The following CDK19 variants were observed in gnomAD, a reference collection of about 807,000 sequenced individuals.
CDK19 encodes the protein cyclin dependent kinase 19, also known as cyclin-dependent kinase 19.
A neutral mutation model predicts 68.3 loss-of-function variants in CDK19; 20 were observed. The ratio of observed to expected loss-of-function variants is 0.29; its 90% CI spans 0.21 to 0.43. The LOEUF is 0.43. Among genes scored for constraint, CDK19 ranks in the 20% least tolerant of loss-of-function variants. CDK19 has a pLI of 1.00. For missense variants in CDK19, 339 were observed against 623.5 expected, an observed-to-expected ratio of 0.54 and a Z score of 4.86; for synonymous variants, 221 against 222.8, an observed-to-expected ratio of 0.99 and a Z score of 0.07.
At chr6:110,716,502 C>T (rs944824738) in intron 2 of CDK19, among the ~76,000 whole-genome samples, 14 of 152,052 alleles carry the variant, frequency 9.2e-5, no homozygotes, top group African/African-American at 3.4e-4. Context: ...GCTGAGGACT[C>T]GGAAACCACA....
chr6:110,627,869 T>C (rs1192444302), intron 6 of CDK19, among the ~76,000 whole-genome samples: 3 of 151,954 alleles, frequency 2.0e-5, no homozygotes, highest in Non-Finnish European at 4.4e-5. Flanking sequence ...AATGATAGAG[T>C]AGAATTTATA....
intron 4 of CDK19, among the ~76,000 whole-genome samples, chr6:110,655,518 T>C (rs143764424): frequency 3.3e-5 from 5 of 152,286 alleles, no homozygotes; most frequent in African/African-American, 1.2e-4. Context: ...CCAAACTAAA[T>C]TTTTACTTTT....
At chr6:110,720,421 A>G (rs1775774202) in intron 2 of CDK19, among the ~76,000 whole-genome samples, 1 of 152,158 alleles carries the variant, frequency 6.6e-6, no homozygotes, top group Admixed American at 6.5e-5. Flanking sequence ...CAGGTACTCA[A>G]TCAGTTTTGC....
chr6:110,716,653 T>C (rs767015767), intron 2 of CDK19, among the ~76,000 whole-genome samples: 3 of 152,102 alleles, frequency 2.0e-5, no homozygotes, highest in Non-Finnish European at 2.9e-5. Flanking sequence ...ATTCCTCAAG[T>C]TAAACATGAA....
rs565351455 is a variant in CDK19 at position 110,797,294 on chromosome 6, C to T, written c.128+17715G>A. Among the ~76,000 whole-genome samples the T allele has an allele frequency of 2.1e-4, 32 of 149,874 alleles. No homozygotes were observed. In the South Asian group the frequency reaches 4.9e-3, roughly 23 times the overall value. The stretch of plus-strand genomic sequence containing the variant: ...GGCAAAGGTTGCAGTGAACCGAGAT[C>T]GCGCCACTGCACTCCAGCCTAGGCG... On this transcript the variant is annotated intron_variant, in intron 1 of 12. Coordinates refer to ENST00000368911, the MANE Select transcript of CDK19 (RefSeq NM_015076.5).
At chr6:110,637,117 T>A (rs1779830018) in intron 5 of CDK19, among the ~76,000 whole-genome samples, 1 of 152,222 alleles carries the variant, frequency 6.6e-6, no homozygotes. Context: ...TTGTCTTCCT[T>A]ATTTTCAGAG....
intron 2 of CDK19, among the ~76,000 whole-genome samples, chr6:110,709,371 G>A (rs555803834): frequency 2.0e-5 from 3 of 152,196 alleles, no homozygotes; most frequent in East Asian, 3.9e-4. Flanking sequence ...TGGAGGGCTG[G>A]GGGAGGGATG....
intron 9 of CDK19, among the ~76,000 whole-genome samples, 164 bp downstream of exon 9, chr6:110,623,126 A>C (rs563746472): frequency 4.6e-5 from 7 of 152,322 alleles, no homozygotes; most frequent in Admixed American, 2.6e-4. Context: ...AAATCATTTA[A>C]AGTGAAGGCT....
intron 5 of CDK19, among the ~76,000 whole-genome samples, chr6:110,634,179 C>CTTAAAAAAAAAAAAAA (rs1434421851): frequency 6.6e-6 from 1 of 152,014 alleles, no homozygotes; most frequent in African/African-American, 2.4e-5. Context: ...GCAGAACAGG[C>CTTAAAAAAAAAAAAAA]AAAAAATCTT....
chr6:110,653,301 G>A (rs1340252755), intron 4 of CDK19, among the ~76,000 whole-genome samples: 1 of 152,098 alleles, frequency 6.6e-6, no homozygotes, highest in Non-Finnish European at 1.5e-5. Flanking sequence ...GTTTGCAGAT[G>A]TTATGCTTAA....
chr6:110,646,008 G>T, intron 4 of CDK19: 1 of 1,056,102 alleles, frequency 9.5e-7, no homozygotes, highest in South Asian at 1.3e-5. Context: ...GGGCAAGCAG[G>T]GTGTGCGGTC....
intron 2 of CDK19, among the ~76,000 whole-genome samples, chr6:110,683,701 C>CTTTTTTTTT (rs200335188): frequency 7.8e-6 from 1 of 127,394 alleles, no homozygotes; most frequent in Non-Finnish European, 1.7e-5. Flanking sequence ...AGTATTTAAT[C>CTTTTTTTTT]TTTTTTTTTT....
chr6:110,663,345 A>C (rs1471663161), intron 4 of CDK19, among the ~76,000 whole-genome samples: 2 of 152,226 alleles, frequency 1.3e-5, no homozygotes, highest in Non-Finnish European at 2.9e-5. Flanking sequence ...GACCATATTC[A>C]TATTTCATAT....
chr6:110,764,317 A>C (rs1408698477), intron 1 of CDK19, among the ~76,000 whole-genome samples: 1 of 152,218 alleles, frequency 6.6e-6, no homozygotes, highest in African/African-American at 2.4e-5. Context: ...GAAGGAGAAG[A>C]ACAAAGTTGG....
chr6:110,675,871 C>T (rs1469574716), intron 2 of CDK19, among the ~76,000 whole-genome samples: 4 of 152,174 alleles, frequency 2.6e-5, no homozygotes, highest in African/African-American at 9.7e-5. Context: ...ATGCTGCTTT[C>T]CTGTTTGCTA....
intron 1 of CDK19, among the ~76,000 whole-genome samples, chr6:110,802,291 T>C (rs1423575954): frequency 3.3e-5 from 5 of 152,130 alleles, no homozygotes; most frequent in African/African-American, 7.2e-5. Flanking sequence ...TGGGTGTCTA[T>C]CAACAGTTAA....
chr6:110,804,971 AG>A (rs1219970568), intron 1 of CDK19, among the ~76,000 whole-genome samples: 1 of 151,966 alleles, frequency 6.6e-6, no homozygotes, highest in Non-Finnish European at 1.5e-5. Context: ...AAAAAAAAAA[AG>A]ACACCTGTTA....
At chr6:110,721,861 G>A (rs940265933) in intron 2 of CDK19, among the ~76,000 whole-genome samples, 2 of 152,140 alleles carry the variant, frequency 1.3e-5, no homozygotes, top group Non-Finnish European at 2.9e-5. Context: ...CAACTCGGGA[G>A]GCCGAGGCCG....
At chr6:110,689,790 C>T (rs1462213612) in intron 2 of CDK19, among the ~76,000 whole-genome samples, 1 of 152,028 alleles carries the variant, frequency 6.6e-6, no homozygotes, top group African/African-American at 2.4e-5. Context: ...TCTTTGCAGA[C>T]ATTCTGCAGC....
Sources: gnomAD v4.1 joint callset for allele counts (sites outside exome capture counted in the v4.1 genomes callset) on GRCh38, gnomAD v4.1.1 for gene constraint, MANE v1.5 for transcripts, NCBI Gene and HGNC (gene_info 2026-07-23, HGNC 2026-07-21) for gene names.